The following TRIB3 variants were observed in gnomAD, a reference collection of about 807,000 sequenced individuals.
TRIB3 encodes tribbles homolog 3.
Under a neutral mutation model 16.6 loss-of-function variants are expected in TRIB3, and 20 were observed. That is an observed-to-expected ratio of 1.20 (90% CI 0.85 to 1.75). The LOEUF (loss-of-function observed/expected upper bound fraction) is 1.75. Ranked by LOEUF, TRIB3 falls within the 40% of genes most tolerant of loss-of-function variation. The pLI is 0.00. For missense variants in TRIB3, 484 were observed against 488.9 expected (o/e 0.99, Z 0.10); for synonymous variants, 208 against 217.0 (o/e 0.96, Z 0.36).
chr20:388,001 T>C lies in TRIB3; in HGVS notation c.1-10T>C. ...GTCTCACTTTAGTGCTTTTCTCTCC[T>C]TTTTACCAGATGCGAGCCACCCCTC... On this transcript the variant is annotated splice_polypyrimidine_tract_variant and intron_variant, in intron 1 of 3. Transcript: ENST00000217233. The C allele has an allele frequency of 6.2e-7, 1 of 1,609,462 alleles. No individual in the cohort carries two copies.
intron 1 of TRIB3, chr20:382,588 G>A (rs1336909778): frequency 1.3e-6 from 2 of 1,535,172 alleles, no homozygotes; most frequent in Middle Eastern, 1.7e-4. Flanking sequence ...CAGGATGAGT[G>A]CTAATAATGA....
At chr20:382,581 G>T (rs1272013231) in intron 1 of TRIB3, 5 of 1,535,456 alleles carry the variant, frequency 3.3e-6, no homozygotes, top group Non-Finnish European at 4.4e-6. Context: ...AGAATAACAG[G>T]ATGAGTGCTA....
intron 3 of TRIB3, among the ~76,000 whole-genome samples, chr20:395,595 G>A (rs1218583481): frequency 6.6e-6 from 1 of 152,086 alleles, no homozygotes; most frequent in African/African-American, 2.4e-5. Context: ...TGGGAATGTG[G>A]GGCCATCTTG....
chr20:397,047 C>T lies in TRIB3; in HGVS notation c.*357C>T. ...GTACACTTTGTACCAGTGTCGGCCT[C>T]CACTGATGCTGGTGCTCAGGCACCT... is the stretch of plus-strand genomic sequence containing the variant. On this transcript the variant is annotated 3_prime_UTR_variant, in exon 4 of 4. Transcript: ENST00000217233. 1 of 216,542 alleles carries T rather than the reference C, an allele frequency of 4.6e-6. No individual in the cohort carries two copies. Among genetic ancestry groups the T allele is most frequent in the Non-Finnish European group, 9.2e-6 (1 of 108,458 alleles). The allele number at this position is 216,542 out of a possible 1,614,324, so 13.4% of individuals were successfully genotyped here.
intron 1 of TRIB3, chr20:382,622 A>C: frequency 6.8e-7 from 1 of 1,469,108 alleles, no homozygotes. Context: ...CCTACCTGGC[A>C]ACAGGTCCAT....
intron 2 of TRIB3, among the ~76,000 whole-genome samples, chr20:389,012 G>A (rs376389014): frequency 3.9e-5 from 6 of 152,268 alleles, no homozygotes; most frequent in African/African-American, 1.4e-4. Flanking sequence ...CCAGGAAATG[G>A]ACAGGGTCAA....
chr20:387,569 A>C (rs1036083859), intron 1 of TRIB3, among the ~76,000 whole-genome samples: 28 of 145,918 alleles, frequency 1.9e-4, no homozygotes, highest in South Asian at 4.5e-4. Context: ...AAAAAAAAAA[A>C]CCCACCATAA....
chr20:391,024 A>AT (rs1397712242), intron 2 of TRIB3, among the ~76,000 whole-genome samples: 3 of 145,006 alleles, frequency 2.1e-5, no homozygotes, highest in Non-Finnish European at 4.5e-5. Context: ...AAAAAAAAAA[A>AT]GCACAGACAG....
chr20:381,889 G>T lies in TRIB3; in HGVS notation c.-1+720G>T, dbSNP rs546726922. Among the ~76,000 whole-genome samples the T allele has an allele frequency of 4.0e-4, 61 of 152,290 alleles. 1 individual carries two copies. Among genetic ancestry groups the T allele is most frequent in the Admixed American group, 3.7e-3 (56 of 15,302 alleles). ...GCGGTGTGTGCTGTGCCTGCAGACC[G>T]GGGAGGGCGGGGGACGACAGCCACC... On this transcript the variant is annotated intron_variant, in intron 1 of 3. Transcript: ENST00000217233.
chr20:395,186 G>A (rs950826094), intron 3 of TRIB3, among the ~76,000 whole-genome samples: 1 of 150,204 alleles, frequency 6.7e-6, no homozygotes, highest in Admixed American at 6.6e-5. Context: ...TTGAGACAGG[G>A]TCTCACTCTG....
chr20:392,747 G>A (rs1392538786), intron 3 of TRIB3, among the ~76,000 whole-genome samples: 5 of 152,014 alleles, frequency 3.3e-5, no homozygotes, highest in East Asian at 1.9e-4. Context: ...TAGTAGAAAC[G>A]GGGTTTTGCC....
chr20:384,511 G>A (rs1030634171), intron 1 of TRIB3, among the ~76,000 whole-genome samples: 1 of 152,024 alleles, frequency 6.6e-6, no homozygotes, highest in African/African-American at 2.4e-5. Flanking sequence ...CTACAGGCAT[G>A]CACCACCATG....
In TRIB3 at chr20:397,028, T is replaced by A. The variant is rs142330335; in HGVS notation, c.*338T>A. ...AGGTCACTGTCTACACTGGGTACAC[T>A]TTGTACCAGTGTCGGCCTCCACTGA... On this transcript the variant is annotated 3_prime_UTR_variant, in exon 4 of 4. Transcript: ENST00000217233. 8.6e-3 allele frequency: 2,190 copies of A among 254,182 alleles called. 20 individuals carry two copies. The highest frequency in any genetic ancestry group is 0.031 in the Middle Eastern group (23 of 748). The allele number at this position is 254,182 out of a possible 1,614,324, so 15.7% of individuals were successfully genotyped here.
chr20:382,688 C>A, intron 1 of TRIB3: 1 of 1,083,378 alleles, frequency 9.2e-7, no homozygotes, highest in Non-Finnish European at 1.4e-6. Flanking sequence ...AACCTGTAAG[C>A]TTTGCATCCT....
chr20:395,407 T>C (rs2015097880), intron 3 of TRIB3, among the ~76,000 whole-genome samples: 1 of 151,904 alleles, frequency 6.6e-6, no homozygotes, highest in Non-Finnish European at 1.5e-5. Context: ...GTGATCCCCC[T>C]ACCTCGGCCT....
intron 1 of TRIB3, chr20:382,423 T>C (rs2014686693): frequency 1.8e-6 from 2 of 1,108,348 alleles, no homozygotes; most frequent in Admixed American, 2.2e-5. Context: ...GGCAGTCTCC[T>C]GCTGCACAGG....
rs113126464 is a variant in TRIB3 at position 388,218 on chromosome 20, C to T, written c.208C>T (p.Pro70Ser). 1 of 1,613,924 alleles carries T rather than the reference C, an allele frequency of 6.2e-7. No homozygotes were observed. The highest frequency in any genetic ancestry group is 8.5e-7 in the Non-Finnish European group (1 of 1,180,030). Reference sequence around the variant, plus strand: ...TGTGGCCACTGCCTCCCGTCTTGGGCCCTATGTCCTCCTGGAGCCCGAGGA... The same window carrying T: ...TGTGGCCACTGCCTCCCGTCTTGGGTCCTATGTCCTCCTGGAGCCCGAGGA... ...TAVATASRLG[P>S]YVLLEPEEGG... The change falls in exon 2 of 4, where the codon CCC becomes TCC. Residue 70 changes from proline to serine, a missense_variant. Pro to Ser is a moderately conservative substitution (Grantham distance 74). Coordinates refer to ENST00000217233, the MANE Select transcript of TRIB3 (RefSeq NM_021158.5).
At chr20:390,282 C>G (rs543357469) in intron 2 of TRIB3, among the ~76,000 whole-genome samples, 2 of 151,404 alleles carry the variant, frequency 1.3e-5, no homozygotes, top group East Asian at 3.9e-4. Context: ...GAGCCGAGAT[C>G]ACACCACTGC....
At chr20:387,920 T>A (rs2014862345) in intron 1 of TRIB3, 91 bp from the exon 2 acceptor site, 5 of 1,454,926 alleles carry the variant, frequency 3.4e-6, no homozygotes, top group Non-Finnish European at 4.7e-6. Context: ...TCACCCCCTA[T>A]AAATGTTGTG....
Sources: allele counts gnomAD v4.1 joint callset (sites outside exome capture counted in the v4.1 genomes callset), GRCh38; gene constraint gnomAD v4.1.1; transcripts MANE v1.5; gene names NCBI Gene and HGNC (gene_info 2026-07-23, HGNC 2026-07-21).